The following MATK variants were observed in gnomAD, a reference collection of about 807,000 sequenced individuals.
MATK encodes megakaryocyte-associated tyrosine-protein kinase.
A neutral mutation model predicts 59.8 loss-of-function variants in MATK; 41 were observed. The ratio of observed to expected loss-of-function variants is 0.69; its 90% CI spans 0.53 to 0.89. MATK has a LOEUF of 0.89. Ranked by LOEUF, MATK falls within the 40% of genes least tolerant of loss-of-function variation. The pLI, the probability that MATK is intolerant of heterozygous loss-of-function variation, is 0.00. For missense variants in MATK, 593 were observed against 719.6 expected, an observed-to-expected ratio of 0.82 and a Z score of 2.01; for synonymous variants, 308 against 306.1, an observed-to-expected ratio of 1.01 and a Z score of -0.06.
In MATK at chr19:3,784,072, A is replaced by AG. The variant is rs2066767; in HGVS notation, c.363-40dup. The AG allele has an allele frequency of 3.5e-3, 5,589 of 1,589,798 alleles. 172 individuals carry two copies. The African/African-American group carries it at 0.065, about 18-fold the overall frequency. ...AGGGGTGGGTCAGACTGGGCTGTGGAGGGGGGGTCACTTGCTGTCCCCTAC... is the reference window on the plus strand; with the variant it reads ...AGGGGTGGGTCAGACTGGGCTGTGGAGGGGGGGGTCACTTGCTGTCCCCTAC... On this transcript the variant is annotated intron_variant, in intron 5 of 13. Coordinates refer to ENST00000310132, the MANE Select transcript of MATK (RefSeq NM_139355.3).
At chr19:3,795,104 T>C (rs1347810347) in intron 1 of MATK, among the ~76,000 whole-genome samples, 1 of 147,392 alleles carries the variant, frequency 6.8e-6, no homozygotes, top group Non-Finnish European at 1.5e-5. Flanking sequence ...CAGTCTCCCA[T>C]GTAGCTGGGA....
Position 3,783,888 on chromosome 19 carries a change from G to A in MATK, c.508C>T (p.Arg170Cys), listed in dbSNP as rs774669158. ...VSFGRDVIHY[R>C]VLHRDGHLTI... ...AGGTGGCCGTCGCGGTGCAGCACGC[G>A]GTAGTGGATGACGTCGCGGCCAAAG... is the stretch of plus-strand genomic sequence containing the variant. The change falls in exon 6 of 14, where the codon CGC (arginine) becomes TGC (cysteine). Residue 170 changes from arginine to cysteine, a missense_variant. Transcript: ENST00000310132. The A allele has an allele frequency of 8.1e-6, 13 of 1,613,134 alleles. No individual in the cohort carries two copies. The highest frequency in any genetic ancestry group is 1.1e-5 in the South Asian group (1 of 91,076).
chr19:3,801,283 T>A (rs2037641132), intron 1 of MATK, among the ~76,000 whole-genome samples: 1 of 152,002 alleles, frequency 6.6e-6, no homozygotes, highest in South Asian at 2.1e-4. Context: ...TAGGGAGGCA[T>A]CCCGGGACAA....
chr19:3,792,106 TAA>T (rs59970387), intron 1 of MATK, among the ~76,000 whole-genome samples: 1,629 of 141,020 alleles, frequency 0.012, 10 homozygotes, highest in Middle Eastern at 0.018. Flanking sequence ...GACTCCATCT[TAA>T]AAAAAAAAAA....
chr19:3,795,687 G>A (rs2037587122), intron 1 of MATK, among the ~76,000 whole-genome samples: 1 of 149,990 alleles, frequency 6.7e-6, no homozygotes, highest in South Asian at 2.1e-4. Context: ...GTTGGACTTG[G>A]CCCTCAGACT....
rs547720682 is a variant in MATK, at chr19:3,779,435, A to C, written c.944T>G (p.Phe315Cys). The C allele has an allele frequency of 4.3e-5, 70 of 1,613,238 alleles. No individual in the cohort carries two copies. Among genetic ancestry groups the C allele is most frequent in the Non-Finnish European group, 5.9e-5 (70 of 1,179,986 alleles). Residue 315 changes from phenylalanine to cysteine, a missense_variant, in exon 11 of 14, where the codon TTT becomes TGT. Transcript: ENST00000310132. The part of the protein sequence containing the change: ...EHVSKGNLVN[F>C]LRTRGRALVN... ...GAGGGCTCGACCCCGGGTCCGCAGAAAGTTCACCAGGTTGCCCTGTTGGGG... is the reference window on the plus strand; with the variant it reads ...GAGGGCTCGACCCCGGGTCCGCAGACAGTTCACCAGGTTGCCCTGTTGGGG...
upstream of MATK, among the ~76,000 whole-genome samples, chr19:3,788,032 G>A (rs1378619172): frequency 6.7e-6 from 1 of 149,830 alleles, no homozygotes; most frequent in Non-Finnish European, 1.5e-5. Flanking sequence ...TGAGTAGCTG[G>A]GACTACACGT....
chr19:3,798,980 T>G (rs535744283), intron 1 of MATK, among the ~76,000 whole-genome samples: 1 of 151,500 alleles, frequency 6.6e-6, no homozygotes, highest in South Asian at 2.1e-4. Context: ...TATTTTTTTT[T>G]TTTTTTCAGA....
upstream of MATK, chr19:3,789,520 C>T (rs73535363): frequency 7.2e-3 from 3,765 of 524,232 alleles, 108 homozygotes; most frequent in African/African-American, 0.065. Flanking sequence ...CAGAGAAGGG[C>T]GGACTTAAGG....
At position 3,779,421 on chromosome 19, in the gene MATK, C is replaced by G; in HGVS notation, c.958G>C (p.Gly320Arg). 1 of 1,613,272 alleles carries G rather than the reference C, an allele frequency of 6.2e-7. No individual in the cohort carries two copies. The highest frequency in any genetic ancestry group is 8.5e-7 in the Non-Finnish European group (1 of 1,179,996). The change falls in exon 11 of 14, where the codon GGT becomes CGT. Residue 320 changes from glycine to arginine, a missense_variant. Physicochemically the swap from Gly to Arg is moderately radical, Grantham distance 125. Coordinates refer to ENST00000310132, the MANE Select transcript of MATK (RefSeq NM_139355.3). ...GNLVNFLRTRGRALVNTAQLL... is the reference protein window; with the variant it reads ...GNLVNFLRTRRRALVNTAQLL... ...TGAGCGGTGTTCACGAGGGCTCGAC[C>G]CCGGGTCCGCAGAAAGTTCACCAGG...
intron 1 of MATK, among the ~76,000 whole-genome samples, chr19:3,800,346 T>A (rs2037631718): frequency 1.3e-5 from 2 of 151,174 alleles, no homozygotes; most frequent in African/African-American, 4.9e-5. Context: ...GAGAGCAGGA[T>A]GGCCGGGCGT....
In MATK at chr19:3,778,359, G is replaced by C. The variant is rs1568403788; in HGVS notation, c.1348C>G (p.Pro450Ala). The C allele has an allele frequency of 1.9e-6, 3 of 1,600,296 alleles. No homozygotes were observed. The highest frequency in any genetic ancestry group is 2.6e-6 in the Non-Finnish European group (3 of 1,174,408). The change falls in exon 14 of 14, where the codon CCA becomes GCA. Residue 450 changes from proline to alanine, a missense_variant. Physicochemically the swap from Pro to Ala is conservative, Grantham distance 27. Transcript: ENST00000310132. Reference protein sequence around the residue: ...GYRMEPPEGCPGPVHVLMSSC... With the variant: ...GYRMEPPEGCAGPVHVLMSSC... ...CTCATGAGGACGTGCACGGGGCCTG[G>C]ACAGCCCTCGGGGGGTTCCATGCGG...
intron 1 of MATK, among the ~76,000 whole-genome samples, chr19:3,794,536 T>C (rs1599207833): frequency 6.6e-6 from 1 of 152,068 alleles, no homozygotes; most frequent in Non-Finnish European, 1.5e-5. Context: ...ATGCCTGTAG[T>C]CCCAGCCACT....
upstream of MATK, chr19:3,786,461 CCGGGCGGGGTCCCGGGGCGCACG>C: frequency 1.1e-6 from 1 of 948,534 alleles, no homozygotes; most frequent in Non-Finnish European, 1.3e-6. This position sits in a 1 kb window ranked among gnomAD's most constrained non-coding sequence, Gnocchi z 4.1. Flanking sequence ...CCCGCGCGCC[CCGGGCGGGGTCCCGGGGCGCACG>C]CGGGCTCCAC....
chr19:3,784,962 G>C, intron 2 of MATK, 78 bp from the exon 3 acceptor site: 1 of 1,429,004 alleles, frequency 7.0e-7, no homozygotes, highest in South Asian at 1.2e-5. Flanking sequence ...GCCCAGGTCA[G>C]GTGGGGGCGA....
At chr19:3,782,809 A>G in intron 7 of MATK, 1 of 395,220 alleles carries the variant, frequency 2.5e-6, no homozygotes, top group Non-Finnish European at 4.6e-6. Context: ...GGGAGGGGAG[A>G]AGATTCACCA....
At chr19:3,780,708 A>C (rs1223215688) in intron 8 of MATK, among the ~76,000 whole-genome samples, 1 of 151,736 alleles carries the variant, frequency 6.6e-6, no homozygotes, top group Non-Finnish European at 1.5e-5. Flanking sequence ...CTGGGATTAC[A>C]GGCATGAGCC....
In MATK at chr19:3,778,246, G is replaced by T; in HGVS notation, c.1461C>A (p.Ala487=). The part of the protein sequence containing the change: ...KLARELRSAG[A]PASVSGQDAD... The stretch of plus-strand genomic sequence containing the variant: ...CGTCCTGCCCTGAGACGGAGGCTGG[G>T]GCACCTGCACTGCGTAGCTCCCGGG... Residue 487 remains alanine (A), a synonymous_variant, in exon 14 of 14, where the codon GCC becomes GCA. Transcript: ENST00000310132. 6.3e-7 allele frequency: 1 copy of T among 1,576,458 alleles called. No homozygotes were observed. The highest frequency in any genetic ancestry group is 8.5e-7 in the Non-Finnish European group (1 of 1,171,002).
rs760722298 is a variant in MATK, at chr19:3,784,466, G to T, written c.133-15C>A. On this transcript the variant is annotated splice_polypyrimidine_tract_variant and intron_variant, in intron 3 of 13. Coordinates refer to ENST00000310132, the MANE Select transcript of MATK (RefSeq NM_139355.3). ...GCCCAGCGCCTCTGCAGAGGGGGCC[G>T]GGAGAGGGGCAAAGGGAGGACATCA... 6.4e-7 allele frequency: 1 copy of T among 1,564,698 alleles called. No homozygotes were observed. Among genetic ancestry groups the T allele is most frequent in the Admixed American group, 1.8e-5 (1 of 56,072 alleles).
Sources: gnomAD v4.1 joint callset for allele counts (sites outside exome capture counted in the v4.1 genomes callset) on GRCh38, gnomAD v4.1.1 for gene constraint, Gnocchi (gnomAD v3.1) non-coding constraint, MANE v1.5 for transcripts, NCBI Gene and HGNC (gene_info 2026-07-23, HGNC 2026-07-21) for gene names.